The following LRMDA variants were observed in gnomAD, a reference collection of about 807,000 sequenced individuals.
LRMDA encodes leucine-rich melanocyte differentiation-associated protein.
A neutral mutation model predicts 29.8 loss-of-function variants in LRMDA; 18 were observed. That is an observed-to-expected ratio of 0.60 (90% CI 0.42 to 0.90). LRMDA has a LOEUF of 0.90. Ranked by LOEUF, LRMDA falls within the 40% of genes least tolerant of loss-of-function variation. The pLI, the probability that LRMDA is intolerant of heterozygous loss-of-function variation, is 0.00. For missense variants in LRMDA, 273 were observed against 273.9 expected (o/e 1.00, Z 0.02); for synonymous variants, 125 against 109.4 (o/e 1.14, Z -0.89).
intron 2 of LRMDA, among the ~76,000 whole-genome samples, chr10:75,568,553 AGGAGTCAGAAGCCTT>A (rs1840400376): frequency 6.6e-6 from 1 of 152,224 alleles, no homozygotes; most frequent in South Asian, 2.1e-4. Context: ...ATGCTGGACT[AGGAGTCAGAAGCCTT>A]GGTTTCTAGG....
chr10:76,256,550 A>G (rs1852596923), intron 5 of LRMDA, among the ~76,000 whole-genome samples: 1 of 152,192 alleles, frequency 6.6e-6, no homozygotes, highest in African/African-American at 2.4e-5. Context: ...AAGTTTTAAA[A>G]CAATAATAAA....
At chr10:75,567,148 T>G (rs990611337) in intron 2 of LRMDA, among the ~76,000 whole-genome samples, 22 of 147,996 alleles carry the variant, frequency 1.5e-4, no homozygotes, top group African/African-American at 5.2e-4. Context: ...CTATTAGTTA[T>G]TTTTTTTTCT....
chr10:75,746,751 A>G (rs1271354367), intron 2 of LRMDA, among the ~76,000 whole-genome samples: 1 of 152,130 alleles, frequency 6.6e-6, no homozygotes, highest in Non-Finnish European at 1.5e-5. Context: ...ATATTTTGAC[A>G]TGGCCCTTAT....
chr10:75,914,481 C>T (rs1303979020), intron 2 of LRMDA, among the ~76,000 whole-genome samples: 1 of 152,198 alleles, frequency 6.6e-6, no homozygotes, highest in African/African-American at 2.4e-5. Context: ...TGAGCAGGGA[C>T]ATATTTTGAG....
intron 2 of LRMDA, among the ~76,000 whole-genome samples, chr10:75,745,194 T>C (rs548349687): frequency 6.6e-6 from 1 of 152,336 alleles, no homozygotes; most frequent in East Asian, 1.9e-4. Flanking sequence ...TTTTGTAAGA[T>C]GCAATCTAAC....
chr10:75,518,293 G>C (rs1300880239), intron 2 of LRMDA, among the ~76,000 whole-genome samples: 1 of 152,134 alleles, frequency 6.6e-6, no homozygotes, highest in East Asian at 1.9e-4. Context: ...GCTCCTCTTT[G>C]TACCTCTGGT....
At chr10:75,436,841 A>C (rs1844269374) in intron 1 of LRMDA, among the ~76,000 whole-genome samples, 1 of 152,212 alleles carries the variant, frequency 6.6e-6, no homozygotes, top group African/African-American at 2.4e-5. Context: ...TTATAGCCAC[A>C]GTCTCTCTTT....
intron 2 of LRMDA, among the ~76,000 whole-genome samples, chr10:75,932,430 G>A (rs1263568702): frequency 6.6e-6 from 1 of 152,068 alleles, no homozygotes; most frequent in Non-Finnish European, 1.5e-5. Flanking sequence ...CTGGCAACAT[G>A]GGGAGACTTC....
chr10:75,575,902 G>A (rs201907564), intron 2 of LRMDA, among the ~76,000 whole-genome samples: 1 of 152,120 alleles, frequency 6.6e-6, no homozygotes, highest in Non-Finnish European at 1.5e-5. Flanking sequence ...CACACCACCA[G>A]GGCCCTGGGT....
At chr10:76,141,742 C>T (rs1850205038) in intron 5 of LRMDA, among the ~76,000 whole-genome samples, 1 of 152,076 alleles carries the variant, frequency 6.6e-6, no homozygotes, top group Admixed American at 6.6e-5. Flanking sequence ...CTTTCAAGCC[C>T]CTTGGTCCAT....
At position 75,530,796 on chromosome 10, in the gene LRMDA, C is replaced by T. The variant is rs1037384681; in HGVS notation, c.131+92302C>T. The stretch of plus-strand genomic sequence containing the variant: ...TGAGTGGTTTTATTGGGAGTGGAAC[C>T]TAAAGGTGGGCTTCAGGGATTGATC... On this transcript the variant is annotated intron_variant, in intron 2 of 6. Coordinates refer to ENST00000611255, the MANE Select transcript of LRMDA (RefSeq NM_001305581.2). Among the ~76,000 whole-genome samples the T allele has an allele frequency of 4.5e-4, 69 of 152,098 alleles. 1 individual carries two copies. Among genetic ancestry groups the T allele is most frequent in the Admixed American group, 3.7e-3 (56 of 15,272 alleles).
At chr10:75,761,850 C>G (rs1349694213) in intron 2 of LRMDA, among the ~76,000 whole-genome samples, 3 of 145,728 alleles carry the variant, frequency 2.1e-5, no homozygotes, top group Non-Finnish European at 4.5e-5. Flanking sequence ...GTCACCCAGG[C>G]TGGAATGCAG....
chr10:75,925,003 T>C (rs1047796087), intron 2 of LRMDA, among the ~76,000 whole-genome samples: 4 of 152,166 alleles, frequency 2.6e-5, no homozygotes, highest in Non-Finnish European at 5.9e-5. Flanking sequence ...TCGGGTTGCC[T>C]TGGCCGATTT....
At chr10:75,597,552 G>C (rs1840806589) in intron 2 of LRMDA, among the ~76,000 whole-genome samples, 1 of 152,166 alleles carries the variant, frequency 6.6e-6, no homozygotes, top group African/African-American at 2.4e-5. Flanking sequence ...GCACGGGAGA[G>C]AAAAAAGGTG....
chr10:75,673,137 CAA>C (rs998575300), intron 2 of LRMDA, among the ~76,000 whole-genome samples: 2 of 152,074 alleles, frequency 1.3e-5, no homozygotes, highest in African/African-American at 4.8e-5. Context: ...TCTTTTAAAA[CAA>C]GAGAGTGTGT....
chr10:75,813,150 AAG>A (rs1843993714), intron 2 of LRMDA, among the ~76,000 whole-genome samples: 1 of 152,174 alleles, frequency 6.6e-6, no homozygotes, highest in Non-Finnish European at 1.5e-5. Context: ...ATGGATAGGC[AAG>A]AGTCTGAGGG....
chr10:75,536,731 AT>A (rs931751390), intron 2 of LRMDA, among the ~76,000 whole-genome samples: 2 of 151,632 alleles, frequency 1.3e-5, no homozygotes, highest in South Asian at 2.1e-4. Context: ...TAATTCTTAA[AT>A]TTTTTTTGTA....
chr10:75,969,049 C>G (rs573865128), intron 2 of LRMDA, among the ~76,000 whole-genome samples: 1 of 152,170 alleles, frequency 6.6e-6, no homozygotes, highest in Non-Finnish European at 1.5e-5. Context: ...AGACCAATGG[C>G]TTTCCTAAGC....
intron 5 of LRMDA, among the ~76,000 whole-genome samples, chr10:76,073,709 A>G (rs955715021): frequency 3.9e-5 from 6 of 152,220 alleles, no homozygotes; most frequent in African/African-American, 9.6e-5. Flanking sequence ...TTGGCAGCCT[A>G]TCTTGGCTGA....
Sources: gnomAD v4.1 joint callset for allele counts (sites outside exome capture counted in the v4.1 genomes callset) on GRCh38, gnomAD v4.1.1 for gene constraint, MANE v1.5 for transcripts, NCBI Gene and HGNC (gene_info 2026-07-23, HGNC 2026-07-21) for gene names.